Variants in NRK observed in about 807,000 individuals in gnomAD.
NRK encodes Nik related kinase, also known as nik-related protein kinase.
In NRK, 67 loss-of-function variants were observed where a neutral mutation model predicts 125.2. The observed-to-expected ratio is 0.54, with a 90% confidence interval of 0.44 to 0.66. The LOEUF (loss-of-function observed/expected upper bound fraction) is 0.66, where lower values mean the gene tolerates loss of function less well. Among genes scored for constraint, NRK ranks in the 30% least tolerant of loss-of-function variants. The pLI is 0.00. For synonymous variants in NRK, 458 were observed against 429.0 expected, an observed-to-expected ratio of 1.07 and a Z score of -0.84; for missense variants, 1,224 against 1,192.9, an observed-to-expected ratio of 1.03 and a Z score of -0.38.
chrX:105,827,953 A>G, intron 1 of NRK, among the ~76,000 whole-genome samples: 1 of 111,603 alleles, frequency 9.0e-6, no homozygotes, highest in Non-Finnish European at 1.9e-5. Context: ...ATAATTATGG[A>G]AACCCCTCTG....
At chrX:105,914,309 A>G (rs1404164759) in intron 14 of NRK, among the ~76,000 whole-genome samples, 1 of 111,103 alleles carries the variant, frequency 9.0e-6, no homozygotes, top group Non-Finnish European at 1.9e-5. Flanking sequence ...GCCAGACTGT[A>G]TTATATAATT....
rs2147810374 is a variant in NRK at position 105,957,359 on chromosome X, G to A, written c.*1759G>A. The A allele has an allele frequency of 9.0e-6, 1 of 110,501 alleles. No homozygotes were observed. Among genetic ancestry groups the A allele is most frequent in the African/African-American group, 3.3e-5 (1 of 30,334 alleles). 9.1% of individuals were successfully genotyped at this position (110,501 alleles called of 1,213,427 possible). ...TTATTATAAATTTGTACACCAAAAG[G>A]CCATGGGGAACTTTGTGCAAGTACC... On this transcript the variant is annotated 3_prime_UTR_variant, in exon 29 of 29. Coordinates refer to ENST00000243300, the MANE Select transcript of NRK (RefSeq NM_198465.4).
chrX:105,893,040 A>G (rs1330839313), intron 5 of NRK, among the ~76,000 whole-genome samples: 1 of 111,923 alleles, frequency 8.9e-6, no homozygotes, highest in African/African-American at 3.2e-5. Flanking sequence ...TAATAGTTAT[A>G]TGCTCTTGTA....
At chrX:105,886,451 T>C (rs1478651863) in intron 4 of NRK, among the ~76,000 whole-genome samples, 1 of 104,389 alleles carries the variant, frequency 9.6e-6, no homozygotes, top group Admixed American at 1.1e-4. Flanking sequence ...GATAATTATA[T>C]ATATAATTAT....
At chrX:105,860,050 A>G (rs963060910) in intron 2 of NRK, among the ~76,000 whole-genome samples, 64 of 111,336 alleles carry the variant, frequency 5.7e-4, no homozygotes, top group African/African-American at 2.0e-3. Flanking sequence ...ATTGCTTGCT[A>G]TGTGTCGGGC....
Position 105,887,322 on chromosome X carries a change from A to T in NRK, c.253-972A>T, listed in dbSNP as rs576591960. ...GAACATATCGGCAATAGGCACAGGAAAAGATGCTCAACATCATTAGTCATC... is the reference window on the plus strand; with the variant it reads ...GAACATATCGGCAATAGGCACAGGATAAGATGCTCAACATCATTAGTCATC... On this transcript the variant is annotated intron_variant, in intron 4 of 28. Transcript: ENST00000243300. 2.7e-5 allele frequency among the ~76,000 whole-genome samples: 3 copies of T among 112,238 alleles called. No individual in the cohort carries two copies. The South Asian group carries it at 1.1e-3, about 42-fold the overall frequency.
At chrX:105,863,613 A>T (rs1241491701) in intron 2 of NRK, among the ~76,000 whole-genome samples, 1 of 112,171 alleles carries the variant, frequency 8.9e-6, no homozygotes, top group Non-Finnish European at 1.9e-5. Context: ...TCCTAGAAAG[A>T]TTCATTTTCC....
intron 6 of NRK, among the ~76,000 whole-genome samples, chrX:105,894,830 A>G (rs1397840402): frequency 8.9e-6 from 1 of 112,092 alleles, no homozygotes; most frequent in Non-Finnish European, 1.9e-5. Flanking sequence ...TTGTTACTTT[A>G]TTATGAATCT....
intron 1 of NRK, among the ~76,000 whole-genome samples, chrX:105,828,743 T>A (rs901887454): frequency 1.8e-5 from 2 of 111,831 alleles, no homozygotes; most frequent in South Asian, 3.7e-4. Context: ...CCCTAGTAAC[T>A]TTTTTGTTGG....
At chrX:105,860,785 G>A (rs2147679039) in intron 2 of NRK, among the ~76,000 whole-genome samples, 1 of 110,983 alleles carries the variant, frequency 9.0e-6, no homozygotes, top group South Asian at 3.9e-4. Context: ...TCATGTCGTA[G>A]TATGAATCAG....
intron 2 of NRK, among the ~76,000 whole-genome samples, chrX:105,853,620 C>G (rs1201569602): frequency 2.7e-5 from 3 of 112,172 alleles, no homozygotes; most frequent in Non-Finnish European, 5.6e-5. Context: ...CTCTCTCCCA[C>G]TGGGTGAATC....
intron 3 of NRK, 34 bp downstream of exon 3, chrX:105,880,289 TA>T: frequency 1.5e-6 from 1 of 667,257 alleles, no homozygotes; most frequent in East Asian, 4.0e-5. Flanking sequence ...TCTCTTCCCT[TA>T]GTGGACTGTG....
intron 1 of NRK, among the ~76,000 whole-genome samples, chrX:105,823,455 C>A (rs1005781032): frequency 9.0e-6 from 1 of 111,567 alleles, no homozygotes; most frequent in African/African-American, 3.3e-5. Flanking sequence ...CTTATTCTTG[C>A]CAGGGCAATG....
chrX:105,834,137 A>G (rs1602592233), intron 2 of NRK, among the ~76,000 whole-genome samples: 1 of 110,857 alleles, frequency 9.0e-6, no homozygotes. Flanking sequence ...AGCCTGAAAA[A>G]CTTCCTCTAA....
chrX:105,833,560 G>C (rs2039223512), intron 2 of NRK, among the ~76,000 whole-genome samples: 1 of 111,161 alleles, frequency 9.0e-6, no homozygotes, highest in Non-Finnish European at 1.9e-5. Context: ...GTTAAAATTA[G>C]ACAACACAGA....
chrX:105,909,097 A>G lies in NRK; in HGVS notation c.1456A>G (p.Arg486Gly), dbSNP rs1039838306. 8.3e-7 allele frequency: 1 copy of G among 1,209,275 alleles called. No individual in the cohort carries two copies. The highest frequency in any genetic ancestry group is 1.1e-6 in the Non-Finnish European group (1 of 894,575). The stretch of plus-strand genomic sequence containing the variant: ...GCTCATGCCACTACAGGCACAGGTT[A>G]GGGCACCTAGGCTTCTGCAGGTACA... ...RVLMPLQAQV[R>G]APRLLQVQSQ... The change falls in exon 13 of 29, where the codon AGG becomes GGG. Residue 486 changes from arginine (R) to glycine (G), a missense_variant. Coordinates refer to ENST00000243300, the MANE Select transcript of NRK (RefSeq NM_198465.4).
At chrX:105,884,745 G>A (rs57024701) in intron 4 of NRK, among the ~76,000 whole-genome samples, 12,901 of 111,699 alleles carry the variant, frequency 0.12, 1,815 homozygotes, top group African/African-American at 0.4. Context: ...AAAGAGTTAA[G>A]GAAATCTTTT....
intron 2 of NRK, among the ~76,000 whole-genome samples, chrX:105,842,971 A>G (rs371398809): frequency 6.0e-4 from 67 of 111,942 alleles, no homozygotes; most frequent in African/African-American, 2.1e-3. Flanking sequence ...AAGTGTTTCA[A>G]TGACAGTAGA....
chrX:105,826,218 TGTGATAATATATTATC>T (rs2039097064), intron 1 of NRK, among the ~76,000 whole-genome samples: 1 of 90,056 alleles, frequency 1.1e-5, no homozygotes, highest in Non-Finnish European at 2.1e-5. Flanking sequence ...TATAATAATA[TGTGATAATATATTATC>T]ATATATAATA....
Sources: allele counts gnomAD v4.1 joint callset (sites outside exome capture counted in the v4.1 genomes callset), GRCh38; gene constraint gnomAD v4.1.1; transcripts MANE v1.5; gene names NCBI Gene and HGNC (gene_info 2026-07-23, HGNC 2026-07-21).